COL21A1: variants seen among roughly 807,000 people sequenced by gnomAD.
COL21A1 encodes collagen alpha-1(XXI) chain.
COL21A1 carries 149 observed loss-of-function variants against 137.9 expected under a neutral mutation model. The ratio of observed to expected loss-of-function variants is 1.08; its 90% CI spans 0.95 to 1.24. The LOEUF is 1.24. COL21A1 is among the 50% of genes most tolerant of loss of function. COL21A1 has a pLI of 0.00. For missense variants in COL21A1, 1,167 were observed against 1,158.4 expected, an observed-to-expected ratio of 1.01 and a Z score of -0.11; for synonymous variants, 456 against 391.5, an observed-to-expected ratio of 1.16 and a Z score of -1.95.
At chr6:56,284,018 T>C (rs896463447) in intron 1 of COL21A1, among the ~76,000 whole-genome samples, 8 of 152,064 alleles carry the variant, frequency 5.3e-5, no homozygotes, top group African/African-American at 1.7e-4. Flanking sequence ...AAAACTGTAA[T>C]TATGAGGATG....
At position 56,260,848 on chromosome 6, in the gene COL21A1, C is replaced by CTGTGTGTGTGTGTGTGTGTGTGTGTG. The variant is rs70986790; in HGVS notation, c.-38-78218_-38-78193dup. Among the ~76,000 whole-genome samples, 485 of 135,234 alleles carry CTGTGTGTGTGTGTGTGTGTGTGTGTG rather than the reference C, an allele frequency of 3.6e-3. 12 individuals carry two copies. The highest frequency in any genetic ancestry group is 0.013 in the African/African-American group (442 of 33,818). 88.7% of individuals were successfully genotyped at this position (135,234 alleles called of 152,430 possible). ...TTGGAGCACAATTTACTTTAATTCA[C>CTGTGTGTGTGTGTGTGTGTGTGTGTG]TGTGTGTGTGTGTGTGTGTGTGTGT... On this transcript the variant is annotated intron_variant, in intron 1 of 28. Coordinates refer to the COL21A1 transcript ENST00000370819.
intron 10 of COL21A1, among the ~76,000 whole-genome samples, chr6:56,145,035 A>ACCC (rs1168250321): frequency 1.3e-5 from 2 of 152,162 alleles, no homozygotes; most frequent in Non-Finnish European, 2.9e-5. Context: ...AGACTCAATG[A>ACCC]CTATTGTACA....
intron 16 of COL21A1, among the ~76,000 whole-genome samples, chr6:56,108,396 A>G (rs937200843): frequency 5.9e-5 from 9 of 152,056 alleles, no homozygotes; most frequent in Non-Finnish European, 1.2e-4. Context: ...AGCTAAAGCT[A>G]GACAATAGAA....
upstream of COL21A1, among the ~76,000 whole-genome samples, chr6:56,249,247 A>G (rs1782790873): frequency 1.3e-5 from 2 of 152,228 alleles, no homozygotes; most frequent in Non-Finnish European, 2.9e-5. Context: ...AGAAATTGGA[A>G]CACTCATATA....
In COL21A1 at chr6:56,357,829, G is replaced by A. The variant is rs73745630; in HGVS notation, c.-39+36142C>T. Among the ~76,000 whole-genome samples the A allele has an allele frequency of 7.0e-3, 1,067 of 152,258 alleles. 9 individuals carry two copies. Among genetic ancestry groups the A allele is most frequent in the African/African-American group, 0.024 (1,001 of 41,538 alleles). On this transcript the variant is annotated intron_variant, in intron 1 of 28. Transcript: ENST00000370819. ...CTTGCAGAAGAGGTATCAGTGGCAT[G>A]GGAGATAATAGGCATCTTCTAAAAA...
chr6:56,368,280 A>AT (rs1766146841), intron 1 of COL21A1, among the ~76,000 whole-genome samples: 1 of 152,226 alleles, frequency 6.6e-6, no homozygotes, highest in Non-Finnish European at 1.5e-5. Flanking sequence ...TTATTCTCTC[A>AT]TTTGTTGAGC....
chr6:56,252,747 A>G (rs1782882334), intron 1 of COL21A1, among the ~76,000 whole-genome samples: 1 of 152,178 alleles, frequency 6.6e-6, no homozygotes, highest in Non-Finnish European at 1.5e-5. Context: ...AAAATTGCCC[A>G]CAATGGGGAA....
chr6:56,326,692 AT>A (rs1439527977), intron 1 of COL21A1, among the ~76,000 whole-genome samples: 1 of 152,042 alleles, frequency 6.6e-6, no homozygotes, highest in African/African-American at 2.4e-5. Flanking sequence ...CAAAACATTA[AT>A]TTTTAGCAAA....
chr6:56,274,526 A>G (rs980151121), intron 1 of COL21A1, among the ~76,000 whole-genome samples: 1 of 152,230 alleles, frequency 6.6e-6, no homozygotes, highest in African/African-American at 2.4e-5. Context: ...GTTTCAAGAC[A>G]TAAAATCAAT....
At chr6:56,227,819 G>A (rs1221973049) in intron 1 of COL21A1, among the ~76,000 whole-genome samples, 1 of 151,996 alleles carries the variant, frequency 6.6e-6, no homozygotes, top group African/African-American at 2.4e-5. Context: ...CCTTAATGGA[G>A]GTATGTGCTA....
At chr6:56,075,001 C>A (rs1345658084) in intron 19 of COL21A1, among the ~76,000 whole-genome samples, 2 of 151,096 alleles carry the variant, frequency 1.3e-5, no homozygotes, top group African/African-American at 4.8e-5. Flanking sequence ...TTCTTGCACA[C>A]ATGAATTTTC....
intron 9 of COL21A1, among the ~76,000 whole-genome samples, chr6:56,163,666 G>A (rs1013903124): frequency 1.3e-5 from 2 of 150,256 alleles, no homozygotes; most frequent in Admixed American, 6.6e-5. Flanking sequence ...CCCAGATTGC[G>A]CCACTGCACT....
At chr6:56,093,742 T>C (rs1278712015) in intron 17 of COL21A1, among the ~76,000 whole-genome samples, 1 of 152,200 alleles carries the variant, frequency 6.6e-6, no homozygotes, top group Non-Finnish European at 1.5e-5. Context: ...CACTTTGTCT[T>C]GTCTCTGTAC....
chr6:56,223,101 C>T (rs1044717714), intron 1 of COL21A1, among the ~76,000 whole-genome samples: 9 of 151,842 alleles, frequency 5.9e-5, no homozygotes, highest in African/African-American at 2.2e-4. Flanking sequence ...CTACCAGTCA[C>T]TTCTGGGATA....
chr6:56,180,061 A>C lies in COL21A1; in HGVS notation c.157T>G (p.Phe53Val), dbSNP rs767495439. ...DGSYSVGPEN[F>V]EIVKKWLVNI... ...ACAAGCCACTTTTTCACTATTTCAA[A>C]GTTTTCTGGGCCAACACTATAAGAG... is the stretch of plus-strand genomic sequence containing the variant. Residue 53 changes from phenylalanine (F) to valine (V), a missense_variant, in exon 3 of 30, where the codon TTT (phenylalanine) becomes GTT (valine). Physicochemically the swap from Phe to Val is conservative, Grantham distance 50. Coordinates refer to ENST00000244728, the MANE Select transcript of COL21A1 (RefSeq NM_030820.4). 13 of 1,613,884 alleles carry C rather than the reference A, an allele frequency of 8.1e-6. No homozygotes were observed. The South Asian group carries it at 1.4e-4, about 18-fold the overall frequency.
chr6:56,157,162 C>T (rs1488198586), intron 9 of COL21A1, among the ~76,000 whole-genome samples: 2 of 151,744 alleles, frequency 1.3e-5, no homozygotes, highest in African/African-American at 4.8e-5. Flanking sequence ...TGTGACCACA[C>T]CAAGTATAAC....
intron 17 of COL21A1, among the ~76,000 whole-genome samples, chr6:56,087,993 C>A (rs1178929306): frequency 6.6e-6 from 1 of 152,166 alleles, no homozygotes; most frequent in Non-Finnish European, 1.5e-5. Flanking sequence ...ACATTAAATT[C>A]TCCAGCTTTT....
At chr6:56,084,462 G>A (rs1183763236) in intron 17 of COL21A1, among the ~76,000 whole-genome samples, 2 of 151,810 alleles carry the variant, frequency 1.3e-5, no homozygotes, top group African/African-American at 4.8e-5. Context: ...TTACTGCTGG[G>A]AATGGGAATG....
At chr6:56,179,294 CAT>C (rs1777718506) in intron 3 of COL21A1, among the ~76,000 whole-genome samples, 1 of 151,852 alleles carries the variant, frequency 6.6e-6, no homozygotes, top group South Asian at 2.1e-4. Flanking sequence ...CTACAATAGA[CAT>C]GTTATAATTG....
Sources: allele counts gnomAD v4.1 joint callset (sites outside exome capture counted in the v4.1 genomes callset), GRCh38; gene constraint gnomAD v4.1.1; transcripts MANE v1.5; gene names NCBI Gene and HGNC (gene_info 2026-07-23, HGNC 2026-07-21).